The following LRBA variants were observed in gnomAD, a reference collection of about 807,000 sequenced individuals.
LRBA encodes the protein lipopolysaccharide-responsive and beige-like anchor protein.
Under a neutral mutation model 330.0 loss-of-function variants are expected in LRBA, and 176 were observed. The observed-to-expected ratio is 0.53, with a 90% CI of 0.47 to 0.60. The LOEUF (loss-of-function observed/expected upper bound fraction) is 0.60, where lower values mean the gene tolerates loss of function less well. LRBA is among the 20% of genes least tolerant of loss of function. The pLI is 0.00. For synonymous variants in LRBA, 1,230 were observed against 1,193.0 expected (o/e 1.03, Z -0.64); for missense variants, 3,259 against 3,444.8 (o/e 0.95, Z 1.35).
At chr4:150,869,202 A>C (rs111341993) in intron 20 of LRBA, among the ~76,000 whole-genome samples, 8,810 of 151,038 alleles carry the variant, frequency 0.058, 761 homozygotes, top group African/African-American at 0.2. Flanking sequence ...TACAGGCATG[A>C]GCCACCACGG....
intron 2 of LRBA, among the ~76,000 whole-genome samples, chr4:150,958,624 AG>A (rs1737810674): frequency 6.7e-6 from 1 of 149,216 alleles, no homozygotes; most frequent in South Asian, 2.1e-4. Flanking sequence ...TTGCATCATT[AG>A]GCTACAAATT....
chr4:150,433,838 A>T (rs904002618), intron 46 of LRBA, among the ~76,000 whole-genome samples: 4 of 152,188 alleles, frequency 2.6e-5, no homozygotes, highest in Admixed American at 6.5e-5. Context: ...AGTATGATAT[A>T]TAATTTTCAA....
intron 35 of LRBA, among the ~76,000 whole-genome samples, chr4:150,740,244 AAAG>A (rs1412276520): frequency 2.6e-5 from 4 of 152,206 alleles, no homozygotes; most frequent in Non-Finnish European, 4.4e-5. Context: ...TAAAAACACT[AAAG>A]AAGAAAAAAA....
At chr4:150,591,611 G>A (rs562428831) in intron 38 of LRBA, among the ~76,000 whole-genome samples, 13 of 152,214 alleles carry the variant, frequency 8.5e-5, no homozygotes, top group South Asian at 4.2e-4. Context: ...AAGGCACCCC[G>A]GGGGCAAACA....
Position 150,395,685 on chromosome 4 carries a change from C to T in LRBA, c.7194+19753G>A, listed in dbSNP as rs188406798. Among the ~76,000 whole-genome samples, 39 of 152,288 alleles carry T rather than the reference C, an allele frequency of 2.6e-4. No individual in the cohort carries two copies. The East Asian group carries it at 7.5e-3, about 29-fold the overall frequency. On this transcript the variant is annotated intron_variant, in intron 47 of 56. Coordinates refer to ENST00000651943, the MANE Select transcript of LRBA (RefSeq NM_001364905.1). ...TGCCTCTTCATAAATGTGACCTCAA[C>T]TTAACCTCCCAAGCCTCATCCCTGG... is the stretch of plus-strand genomic sequence containing the variant.
chr4:151,001,911 G>A (rs1177048350), intron 2 of LRBA, among the ~76,000 whole-genome samples: 2 of 151,890 alleles, frequency 1.3e-5, no homozygotes, highest in African/African-American at 2.4e-5. Context: ...TGGCACCTCA[G>A]TCCCCAGCAA....
Position 150,991,872 on chromosome 4 carries a change from T to C in LRBA, c.216+22555A>G, listed in dbSNP as rs77154679. ...CTCTGCCTTCAAGCTCATGATCTAA[T>C]GAGAGAAATATATATAAACACATAA... On this transcript the variant is annotated intron_variant, in intron 2 of 56. Coordinates refer to ENST00000651943, the MANE Select transcript of LRBA (RefSeq NM_001364905.1). 3.0e-3 allele frequency among the ~76,000 whole-genome samples: 463 copies of C among 152,294 alleles called. 21 individuals are homozygous for C. The East Asian group carries it at 0.085, about 28-fold the overall frequency.
chr4:150,409,035 T>G (rs1651688111), intron 47 of LRBA, among the ~76,000 whole-genome samples: 1 of 152,114 alleles, frequency 6.6e-6, no homozygotes, highest in South Asian at 2.1e-4. Flanking sequence ...AAGGTGGCCT[T>G]ATATGAAAAT....
intron 14 of LRBA, among the ~76,000 whole-genome samples, chr4:150,898,290 A>G (rs1376774235): frequency 1.3e-5 from 2 of 152,130 alleles, no homozygotes; most frequent in African/African-American, 4.8e-5. Context: ...GAAATCTCAA[A>G]AAGAATGCCT....
chr4:150,770,859 AC>A (rs1462851263), intron 34 of LRBA, among the ~76,000 whole-genome samples: 2 of 152,110 alleles, frequency 1.3e-5, no homozygotes, highest in Non-Finnish European at 2.9e-5. Context: ...GTGCTCCTCA[AC>A]TTAATCACAC....
At chr4:150,561,119 A>G (rs1768276985) in intron 40 of LRBA, among the ~76,000 whole-genome samples, 1 of 152,200 alleles carries the variant, frequency 6.6e-6, no homozygotes, top group African/African-American at 2.4e-5. Flanking sequence ...GTTTTATTAC[A>G]TGCTTATATT....
intron 37 of LRBA, among the ~76,000 whole-genome samples, chr4:150,674,986 G>A (rs1207712853): frequency 4.6e-5 from 7 of 152,122 alleles, no homozygotes; most frequent in Non-Finnish European, 8.8e-5. Context: ...GGAAGCCAAG[G>A]TAGGTAGATT....
chr4:150,795,097 G>A (rs748986380), intron 34 of LRBA, among the ~76,000 whole-genome samples: 14 of 152,074 alleles, frequency 9.2e-5, no homozygotes, highest in Non-Finnish European at 1.9e-4. Context: ...AAGGGAGGTA[G>A]TGTTATTGGA....
chr4:150,816,620 C>T (rs368396931), intron 31 of LRBA, among the ~76,000 whole-genome samples: 17 of 151,754 alleles, frequency 1.1e-4, no homozygotes, highest in African/African-American at 3.6e-4. Context: ...TAGAATGATG[C>T]TACACTTCAG....
chr4:150,425,000 T>C (rs1225452833), intron 46 of LRBA, among the ~76,000 whole-genome samples: 3 of 152,142 alleles, frequency 2.0e-5, no homozygotes, highest in African/African-American at 7.2e-5. Flanking sequence ...ACAAAATAAA[T>C]AAGCATAATA....
At chr4:150,710,446 T>G (rs1786070082) in intron 36 of LRBA, among the ~76,000 whole-genome samples, 1 of 151,586 alleles carries the variant, frequency 6.6e-6, no homozygotes, top group African/African-American at 2.4e-5. Context: ...GGAAAAGAAG[T>G]CACAAAGACA....
chr4:150,800,268 G>T (rs1741411516), intron 33 of LRBA, among the ~76,000 whole-genome samples: 1 of 152,200 alleles, frequency 6.6e-6, no homozygotes. Flanking sequence ...GGAGGAGAGT[G>T]ATGGTAGATG....
At chr4:150,810,597 T>C (rs1041188172) in intron 31 of LRBA, among the ~76,000 whole-genome samples, 3 of 152,086 alleles carry the variant, frequency 2.0e-5, no homozygotes, top group Non-Finnish European at 4.4e-5. Flanking sequence ...ATGCTGACAA[T>C]TATTTTTTAT....
chr4:150,399,458 T>C (rs892976524), intron 47 of LRBA, among the ~76,000 whole-genome samples: 5 of 152,192 alleles, frequency 3.3e-5, no homozygotes, highest in Non-Finnish European at 7.3e-5. Flanking sequence ...AACATGACCA[T>C]GATACCCCAT....
Sources: gnomAD v4.1 joint callset for allele counts (sites outside exome capture counted in the v4.1 genomes callset) on GRCh38, gnomAD v4.1.1 for gene constraint, MANE v1.5 for transcripts, NCBI Gene and HGNC (gene_info 2026-07-23, HGNC 2026-07-21) for gene names.